The following EMP1 variants were observed in gnomAD, a reference collection of about 807,000 sequenced individuals.
The protein encoded by EMP1 is tumor-associated membrane protein.
EMP1 carries 5 observed loss-of-function variants against 15.7 expected under a neutral mutation model. The observed-to-expected ratio is 0.32, with a 90% CI of 0.17 to 0.67. The LOEUF (loss-of-function observed/expected upper bound fraction) is 0.67, where lower values mean the gene tolerates loss of function less well. Among genes scored for constraint, EMP1 ranks in the 30% least tolerant of loss-of-function variants. The pLI, the probability that EMP1 is intolerant of heterozygous loss-of-function variation, is 0.74. For synonymous variants in EMP1, 78 were observed against 76.7 expected (o/e 1.02, Z -0.09); for missense variants, 166 against 194.2 (o/e 0.85, Z 0.86).
Position 13,213,692 on chromosome 12 carries a change from A to G in EMP1, c.187A>G (p.Thr63Ala), listed in dbSNP as rs1208253336. The G allele has an allele frequency of 6.2e-7, 1 of 1,614,172 alleles. No homozygotes were observed. Among genetic ancestry groups the G allele is most frequent in the Middle Eastern group, 1.6e-4 (1 of 6,062 alleles). Reference sequence around the variant, plus strand: ...TCCTGTGTCTACAGATGCCCTCAAGACAGTGCAGGCCTTCATGATTCTCTC... The same window carrying G: ...TCCTGTGTCTACAGATGCCCTCAAGGCAGTGCAGGCCTTCATGATTCTCTC... Reference protein sequence around the residue: ...LSYASEDALKTVQAFMILSII... With the variant: ...LSYASEDALKAVQAFMILSII... The change falls in exon 4 of 5, where the codon ACA becomes GCA. Residue 63 changes from threonine (T) to alanine (A), a missense_variant. Thr to Ala is a moderately conservative substitution (Grantham distance 58). Transcript: ENST00000256951.
chr12:13,207,955 G>A (rs537326823), intron 1 of EMP1, among the ~76,000 whole-genome samples: 20 of 152,308 alleles, frequency 1.3e-4, no homozygotes, highest in South Asian at 8.3e-4. Context: ...TGCAAAAAGC[G>A]GGTCTTGCTT....
Position 13,207,089 on chromosome 12 carries a change from C to T in EMP1, c.-42-4380C>T, listed in dbSNP as rs75884953. Among the ~76,000 whole-genome samples, 231 of 152,206 alleles carry T rather than the reference C, an allele frequency of 1.5e-3. 1 individual carries two copies. The highest frequency in any genetic ancestry group is 0.014 in the East Asian group (74 of 5,174). ...AGTTAGTCCTTTAGAGCTATAGTCA[C>T]GAGCAATTTTAATCCTCAGGGTTCT... On this transcript the variant is annotated intron_variant, in intron 1 of 4. Coordinates refer to ENST00000256951, the MANE Select transcript of EMP1 (RefSeq NM_001423.3).
chr12:13,213,584 A>G lies in EMP1; in HGVS notation c.175+9A>G. ...GTCATATGCCAGTGAAGGTATATAT[A>G]AAGATATTGACCCAGTGCTGACAAT... On this transcript the variant is annotated intron_variant, in intron 3 of 4. Transcript: ENST00000256951. 1 of 1,614,128 alleles carries G rather than the reference A, an allele frequency of 6.2e-7. No homozygotes were observed. Among genetic ancestry groups the G allele is most frequent in the Non-Finnish European group, 8.5e-7 (1 of 1,179,960 alleles).
chr12:13,207,938 A>C (rs536280449), intron 1 of EMP1, among the ~76,000 whole-genome samples: 2 of 152,338 alleles, frequency 1.3e-5, no homozygotes, highest in African/African-American at 4.8e-5. Context: ...CAGTGCACCA[A>C]ATGCTCTGCA....
intron 2 of EMP1, among the ~76,000 whole-genome samples, chr12:13,212,094 TGG>T (rs1864169110): frequency 6.6e-6 from 1 of 152,068 alleles, no homozygotes; most frequent in Admixed American, 6.5e-5. Flanking sequence ...GAAGGATAGA[TGG>T]GAAGAAGAGG....
Position 13,218,573 on chromosome 12 carries a change from A to G in EMP1, c.*3882A>G, listed in dbSNP as rs1371479491. 1 of 152,148 alleles carries G rather than the reference A, an allele frequency of 6.6e-6. No homozygotes were observed. Among genetic ancestry groups the G allele is most frequent in the Admixed American group, 6.5e-5 (1 of 15,276 alleles). 9.4% of individuals were successfully genotyped at this position (152,148 alleles called of 1,614,324 possible). ...TTAAAGATGTATCATTTGGAGGTAGACACGATTTTCAGAGCACAAAACAGA... is the reference window on the plus strand; with the variant it reads ...TTAAAGATGTATCATTTGGAGGTAGGCACGATTTTCAGAGCACAAAACAGA... On this transcript the variant is annotated 3_prime_UTR_variant, in exon 5 of 5. Coordinates refer to ENST00000256951, the MANE Select transcript of EMP1 (RefSeq NM_001423.3).
intron 1 of EMP1, among the ~76,000 whole-genome samples, chr12:13,204,094 T>C (rs1307506216): frequency 6.6e-6 from 1 of 152,194 alleles, no homozygotes; most frequent in Non-Finnish European, 1.5e-5. Flanking sequence ...TGCTGCTTGA[T>C]TGACGATGTT....
At chr12:13,212,529 C>A (rs1441037435) in intron 2 of EMP1, among the ~76,000 whole-genome samples, 1 of 152,218 alleles carries the variant, frequency 6.6e-6, no homozygotes, top group Admixed American at 6.5e-5. Flanking sequence ...CCCACGTGAC[C>A]TCCTTGTTTT....
intron 1 of EMP1, among the ~76,000 whole-genome samples, chr12:13,210,158 C>T (rs748443764): frequency 3.3e-5 from 5 of 152,204 alleles, no homozygotes; most frequent in Non-Finnish European, 5.9e-5. Context: ...AGTATCAGTG[C>T]TCTCTAATAA....
At position 13,217,371 on chromosome 12, in the gene EMP1, C is replaced by T. The variant is rs918448443; in HGVS notation, c.*2680C>T. On this transcript the variant is annotated 3_prime_UTR_variant, in exon 5 of 5. Coordinates refer to ENST00000256951, the MANE Select transcript of EMP1 (RefSeq NM_001423.3). ...AATGTGAAGCAGGCAATCTTCCAGC[C>T]CCTTCTGGTCTTGGATGAAATAGTT... 1 of 152,142 alleles carries T rather than the reference C, an allele frequency of 6.6e-6. No individual in the cohort carries two copies. The highest frequency in any genetic ancestry group is 1.5e-5 in the Non-Finnish European group (1 of 68,032). 9.4% of individuals were successfully genotyped at this position (152,142 alleles called of 1,614,324 possible).
chr12:13,218,587 G>C lies in EMP1; in HGVS notation c.*3896G>C, dbSNP rs1318138875. On this transcript the variant is annotated 3_prime_UTR_variant, in exon 5 of 5. Coordinates refer to ENST00000256951, the MANE Select transcript of EMP1 (RefSeq NM_001423.3). ...TTTGGAGGTAGACACGATTTTCAGA[G>C]CACAAAACAGATAAGGAAAGATGTA... 6.6e-6 allele frequency: 1 copy of C among 152,144 alleles called. No individual in the cohort carries two copies. The highest frequency in any genetic ancestry group is 1.5e-5 in the Non-Finnish European group (1 of 68,028). The allele number at this position is 152,144 out of a possible 1,614,324, so 9.4% of individuals were successfully genotyped here.
rs1478109704 is a variant in EMP1, at chr12:13,218,074, G to C, written c.*3383G>C. On this transcript the variant is annotated 3_prime_UTR_variant, in exon 5 of 5. Transcript: ENST00000256951. ...TTGTGCAAATTATGAGTATAAAGAG[G>C]GTGAGCTACAGAACTCTCCATGACC... is the stretch of plus-strand genomic sequence containing the variant. 2 of 152,118 alleles carry C rather than the reference G, an allele frequency of 1.3e-5. No homozygotes were observed. The highest frequency in any genetic ancestry group is 3.8e-4 in the East Asian group (2 of 5,202). 9.4% of individuals were successfully genotyped at this position (152,118 alleles called of 1,614,324 possible). A position where few individuals can be genotyped will look rare whatever the true frequency, so the allele number is the denominator to read the frequency against.
intron 1 of EMP1, among the ~76,000 whole-genome samples, chr12:13,197,109 G>C (rs1372983673): frequency 1.3e-5 from 2 of 152,182 alleles, no homozygotes; most frequent in Admixed American, 6.5e-5. Context: ...GAAATCAATG[G>C]GATGGGGCTA....
intron 1 of EMP1, among the ~76,000 whole-genome samples, chr12:13,203,767 A>G (rs1357304260): frequency 1.3e-5 from 2 of 152,242 alleles, no homozygotes; most frequent in African/African-American, 2.4e-5. Context: ...GCTCTGTGCT[A>G]CTTTGAACTC....
In EMP1 at chr12:13,211,648, G is replaced by A. The variant is rs2121159580; in HGVS notation, c.78+60G>A. ...GAAATCATTCGAATATTTACATCAA[G>A]TGCACAAAAGAAGTTTAAGCCACAG... On this transcript the variant is annotated intron_variant, in intron 2 of 4. Coordinates refer to ENST00000256951, the MANE Select transcript of EMP1 (RefSeq NM_001423.3). The surrounding 1 kb of genome is among the most constrained non-coding windows in gnomAD (Gnocchi z 4.7). 6.3e-7 allele frequency: 1 copy of A among 1,593,590 alleles called. No homozygotes were observed. Among genetic ancestry groups the A allele is most frequent in the Non-Finnish European group, 8.6e-7 (1 of 1,163,754 alleles).
Position 13,196,834 on chromosome 12 carries a change from C to T in EMP1, c.-81C>T. 6.6e-6 allele frequency: 1 copy of T among 152,404 alleles called. No homozygotes were observed. Among genetic ancestry groups the T allele is most frequent in the Non-Finnish European group, 1.5e-5 (1 of 68,096 alleles). The allele number at this position is 152,404 out of a possible 1,614,324, so 9.4% of individuals were successfully genotyped here. On this transcript the variant is annotated 5_prime_UTR_variant, in exon 1 of 5. Transcript: ENST00000256951. ...GAGCGGACCAGGGCTGCTGCCAGCA[C>T]CTGCCACTCAGAGCGCCTCTGTCGC...
chr12:13,200,023 A>G (rs1450987670), intron 1 of EMP1, among the ~76,000 whole-genome samples: 3 of 143,828 alleles, frequency 2.1e-5, no homozygotes, highest in Non-Finnish European at 4.5e-5. Context: ...TGAAGTTTGG[A>G]ATTATGTACA....
At chr12:13,198,894 A>G (rs914237797) in intron 1 of EMP1, among the ~76,000 whole-genome samples, 2 of 152,104 alleles carry the variant, frequency 1.3e-5, no homozygotes, top group Non-Finnish European at 1.5e-5. Flanking sequence ...CTTAGCTGTG[A>G]GAGTTTTTCT....
chr12:13,213,035 C>A (rs768120143), intron 2 of EMP1, among the ~76,000 whole-genome samples: 1 of 152,202 alleles, frequency 6.6e-6, no homozygotes, highest in Non-Finnish European at 1.5e-5. Context: ...TCTTATGTTT[C>A]TTAATTGTTT....
Sources: gnomAD v4.1 joint callset for allele counts (sites outside exome capture counted in the v4.1 genomes callset) on GRCh38, gnomAD v4.1.1 for gene constraint, Gnocchi (gnomAD v3.1) non-coding constraint, MANE v1.5 for transcripts, NCBI Gene and HGNC (gene_info 2026-07-23, HGNC 2026-07-21) for gene names.